Variants in FNBP1L observed in about 807,000 individuals in gnomAD.
The protein encoded by FNBP1L is formin-binding protein 1-like.
In FNBP1L, 36 loss-of-function variants were observed where a neutral mutation model predicts 91.2. That is an observed-to-expected ratio of 0.39 (90% CI 0.30 to 0.52). The LOEUF (loss-of-function observed/expected upper bound fraction) is 0.52. FNBP1L is among the 20% of genes least tolerant of loss of function. The probability of loss-of-function intolerance (pLI) is 0.66; values close to 1 mark genes in which losing one functional copy is unlikely to be tolerated. For missense variants in FNBP1L, 571 were observed against 732.1 expected (o/e 0.78, Z 2.54); for synonymous variants, 242 against 237.0 (o/e 1.02, Z -0.19).
intron 2 of FNBP1L, among the ~76,000 whole-genome samples, chr1:93,512,721 C>T: frequency 6.6e-6 from 1 of 151,384 alleles, no homozygotes; most frequent in Admixed American, 6.6e-5. Context: ...TCTTTGAAAC[C>T]AACGAGAACA....
chr1:93,536,452 A>G lies in FNBP1L; in HGVS notation c.1111A>G (p.Lys371Glu). Residue 371 changes from lysine to glutamate, a missense_variant, in exon 10 of 17, where the codon AAG becomes GAG. Around this residue, in one of 5 missense-constraint regions of FNBP1L, gnomAD observed 150 missense variants for 155.9 expected, o/e 0.96. Coordinates refer to ENST00000271234, the MANE Select transcript of FNBP1L (RefSeq NM_001164473.3). ...TTGTATGAATGAAATAAAAACAGGGAAGCCCAGAATTCCTTCTTTCAGAAG... is the reference window on the plus strand; with the variant it reads ...TTGTATGAATGAAATAAAAACAGGGGAGCCCAGAATTCCTTCTTTCAGAAG... ...HYCMNEIKTG[K>E]PRIPSFRSLK... 6.5e-7 allele frequency: 1 copy of G among 1,549,850 alleles called. No individual in the cohort carries two copies. The highest frequency in any genetic ancestry group is 8.7e-7 in the Non-Finnish European group (1 of 1,146,104).
At chr1:93,543,184 G>T (rs1198859282) in intron 11 of FNBP1L, among the ~76,000 whole-genome samples, 1 of 152,054 alleles carries the variant, frequency 6.6e-6, no homozygotes, top group Non-Finnish European at 1.5e-5. Context: ...AGTAATATAG[G>T]TTTATATTAA....
In FNBP1L at chr1:93,554,573, TTTC is replaced by T. The variant is rs1004083280; in HGVS notation, c.*2160_*2162del. 6.5e-6 allele frequency: 1 copy of T among 152,672 alleles called. No homozygotes were observed. Among genetic ancestry groups the T allele is most frequent in the Admixed American group, 6.5e-5 (1 of 15,288 alleles). The allele number at this position is 152,672 out of a possible 1,614,324, so 9.5% of individuals were successfully genotyped here. On this transcript the variant is annotated 3_prime_UTR_variant, in exon 17 of 17. Transcript: ENST00000271234. ...TTTACTCTTTTTGTGCACATGTTGA[TTTC>T]TTAATGGTAAATCCTTCATTTAAAG...
intron 5 of FNBP1L, among the ~76,000 whole-genome samples, chr1:93,525,820 T>C (rs1471799765): frequency 2.2e-4 from 34 of 152,210 alleles, no homozygotes; most frequent in Admixed American, 2.2e-3. Context: ...TGACATGTAC[T>C]CTGGAGGTAC....
At chr1:93,529,788 A>C in intron 6 of FNBP1L, 32 bp downstream of exon 6, 4 of 1,254,432 alleles carry the variant, frequency 3.2e-6, no homozygotes, top group Non-Finnish European at 3.3e-6. Context: ...CTTTAATGTC[A>C]AAATATTATT....
In FNBP1L at chr1:93,541,074, A is replaced by C; in HGVS notation, c.1164+18A>C. 1.3e-6 allele frequency: 2 copies of C among 1,535,020 alleles called. No individual in the cohort carries two copies. The highest frequency in any genetic ancestry group is 2.4e-5 in the South Asian group (2 of 83,914). On this transcript the variant is annotated intron_variant, in intron 11 of 16. Coordinates refer to ENST00000271234, the MANE Select transcript of FNBP1L (RefSeq NM_001164473.3). ...TGAAGATGGTAAGCCTTATGTGCTG[A>C]TCTATATACTGTGCCAACATTAAGT...
At chr1:93,545,084 T>A (rs1672179481) in intron 12 of FNBP1L, among the ~76,000 whole-genome samples, 1 of 152,162 alleles carries the variant, frequency 6.6e-6, no homozygotes, top group Admixed American at 6.5e-5. Context: ...ATTTATTAAC[T>A]TTGATTTTTT....
chr1:93,513,479 T>C (rs1177124118), intron 2 of FNBP1L, among the ~76,000 whole-genome samples: 2 of 152,022 alleles, frequency 1.3e-5, no homozygotes, highest in Non-Finnish European at 2.9e-5. Context: ...AAGAGAATTT[T>C]AGACCAATAT....
chr1:93,534,627 G>A, intron 8 of FNBP1L, 78 bp from the exon 9 acceptor site: 2 of 876,900 alleles, frequency 2.3e-6, no homozygotes, highest in Admixed American at 2.9e-5. Context: ...TTGTTTTTTT[G>A]TACTGAAAAA....
chr1:93,523,357 G>A lies in FNBP1L; in HGVS notation c.208G>A (p.Val70Ile), dbSNP rs1032018099. 7 of 1,603,658 alleles carry A rather than the reference G, an allele frequency of 4.4e-6. No individual in the cohort carries two copies. In the African/African-American group the frequency reaches 8.0e-5, roughly 18 times the overall value. The part of the protein sequence containing the change: ...KDEEPRFTSC[V>I]AFFNILNELN... ...TGTTTTTGCCAGGTTTACCTCGTGT[G>A]TAGCCTTTTTTAATATCCTTAATGA... is the stretch of plus-strand genomic sequence containing the variant. The change falls in exon 4 of 17, where the codon GTA becomes ATA. Residue 70 changes from valine to isoleucine, a missense_variant. Physicochemically the swap from Val to Ile is conservative, Grantham distance 29. This residue lies in a region of FNBP1L where 220 missense variants were observed against 313.6 expected (regional missense o/e 0.70). Coordinates refer to ENST00000271234, the MANE Select transcript of FNBP1L (RefSeq NM_001164473.3).
intron 1 of FNBP1L, among the ~76,000 whole-genome samples, chr1:93,451,101 A>G (rs1289134902): frequency 6.6e-6 from 1 of 152,226 alleles, no homozygotes; most frequent in Non-Finnish European, 1.5e-5. Context: ...ATTCTGGGTA[A>G]TACCAAGGAA....
rs1455391076 is a variant in FNBP1L at position 93,448,187 on chromosome 1, G to A, written c.-95G>A. On this transcript the variant is annotated 5_prime_UTR_variant, in exon 1 of 17. Transcript: ENST00000271234. The stretch of plus-strand genomic sequence containing the variant: ...CCTTTCGAGGTAGACCCGCTGAGCT[G>A]CTAGCCCGCCGGCCAGCGAGTGAGA... 11 of 1,481,148 alleles carry A rather than the reference G, an allele frequency of 7.4e-6. No homozygotes were observed. Among genetic ancestry groups the A allele is most frequent in the Non-Finnish European group, 1.0e-5 (11 of 1,102,926 alleles). The allele number at this position is 1,481,148 out of a possible 1,614,324, so 91.8% of individuals were successfully genotyped here. A position where few individuals can be genotyped will look rare whatever the true frequency, so the allele number is the denominator to read the frequency against.
chr1:93,497,650 C>A (rs1347586541), intron 1 of FNBP1L, among the ~76,000 whole-genome samples: 2 of 152,258 alleles, frequency 1.3e-5, no homozygotes, highest in Non-Finnish European at 2.9e-5. Flanking sequence ...GACAGAGTCT[C>A]ACTCTATTGC....
rs1672493127 is a variant in FNBP1L, at chr1:93,553,809, T to TG, written c.*1395dup. ...ACATGTATCTTAACTAATTTCTTAGTGGTGTTGTAATAGGGAGATGGGGCA... is the reference window on the plus strand; with the variant it reads ...ACATGTATCTTAACTAATTTCTTAGTGGGTGTTGTAATAGGGAGATGGGGCA... On this transcript the variant is annotated 3_prime_UTR_variant, in exon 17 of 17. Coordinates refer to ENST00000271234, the MANE Select transcript of FNBP1L (RefSeq NM_001164473.3). The TG allele has an allele frequency of 6.6e-6, 1 of 152,620 alleles. No homozygotes were observed. The highest frequency in any genetic ancestry group is 6.5e-5 in the Admixed American group (1 of 15,282). 9.5% of individuals were successfully genotyped at this position (152,620 alleles called of 1,614,324 possible). A position where few individuals can be genotyped will look rare whatever the true frequency, so the allele number is the denominator to read the frequency against.
intron 1 of FNBP1L, among the ~76,000 whole-genome samples, chr1:93,499,206 A>G (rs1488350174): frequency 2.0e-5 from 3 of 152,146 alleles, no homozygotes; most frequent in Non-Finnish European, 4.4e-5. Flanking sequence ...GGAAGAGTTG[A>G]CTGCAAAAAG....
intron 1 of FNBP1L, among the ~76,000 whole-genome samples, chr1:93,476,789 CAAAAA>C (rs929382448): frequency 1.3e-5 from 2 of 151,580 alleles, no homozygotes; most frequent in Admixed American, 6.6e-5. Context: ...ATGAAACAAA[CAAAAA>C]AAATCCATTG....
intron 1 of FNBP1L, among the ~76,000 whole-genome samples, chr1:93,471,424 G>GAA (rs1458688029): frequency 1.4e-4 from 22 of 152,346 alleles, no homozygotes; most frequent in South Asian, 6.2e-4. Context: ...AGGCACTGTA[G>GAA]CGCATGCCTG....
chr1:93,511,721 C>CT (rs1670850753), intron 2 of FNBP1L, among the ~76,000 whole-genome samples: 1 of 152,156 alleles, frequency 6.6e-6, no homozygotes, highest in Non-Finnish European at 1.5e-5. Flanking sequence ...AATCCCAGCA[C>CT]TTTGGGAGGC....
chr1:93,521,061 C>G (rs2929728), intron 2 of FNBP1L, among the ~76,000 whole-genome samples: 22 of 16,014 alleles, frequency 1.4e-3, no homozygotes, highest in South Asian at 5.0e-3. Context: ...ACCAACCAAC[C>G]AACCAACCAA....
Sources: gnomAD v4.1 joint callset for allele counts (sites outside exome capture counted in the v4.1 genomes callset) on GRCh38, gnomAD v4.1.1 for gene constraint, gnomAD v4.1.1 regional missense constraint, MANE v1.5 for transcripts, NCBI Gene and HGNC (gene_info 2026-07-23, HGNC 2026-07-21) for gene names.